Variants in TAPBP observed in about 807,000 individuals in gnomAD.
TAPBP encodes the protein TAP binding protein.
Under a neutral mutation model 45.7 loss-of-function variants are expected in TAPBP, and 38 were observed. The observed-to-expected ratio is 0.83, with a 90% CI of 0.64 to 1.09. The LOEUF (loss-of-function observed/expected upper bound fraction) is 1.09. Among genes scored for constraint, TAPBP ranks in the 50% least tolerant of loss-of-function variants. The probability of loss-of-function intolerance (pLI) is 0.00; values close to 1 mark genes in which losing one functional copy is unlikely to be tolerated. For synonymous variants in TAPBP, 226 were observed against 254.8 expected (o/e 0.89, Z 1.08); for missense variants, 513 against 587.3 (o/e 0.87, Z 1.31).
chr6:33,313,321 G>C lies in TAPBP; in HGVS notation c.365C>G (p.Ala122Gly). The C allele has an allele frequency of 2.5e-6, 4 of 1,613,500 alleles. No individual in the cohort carries two copies. Among genetic ancestry groups the C allele is most frequent in the Non-Finnish European group, 3.4e-6 (4 of 1,179,944 alleles). The change falls in exon 3 of 8, where the codon GCT (alanine) becomes GGT (glycine). Residue 122 changes from alanine to glycine, a missense_variant. Physicochemically the swap from Ala to Gly is moderately conservative, Grantham distance 60. Coordinates refer to ENST00000434618, the MANE Select transcript of TAPBP (RefSeq NM_003190.5). The surrounding 1 kb of genome is among the most constrained non-coding windows in gnomAD (Gnocchi z 7.2). ...GCTGGATATGCTGACCATCAGCCAA[G>C]CCCCATCCAGGGCCCGCGGGCAGTT... ...AQNCPRALDG[A>G]WLMVSISSPV...
At position 33,313,937 on chromosome 6, in the gene TAPBP, G is replaced by A; in HGVS notation, c.37+68C>T. 8 of 1,613,048 alleles carry A rather than the reference G, an allele frequency of 5.0e-6. No individual in the cohort carries two copies. Among genetic ancestry groups the A allele is most frequent in the Non-Finnish European group, 6.8e-6 (8 of 1,179,536 alleles). Reference sequence around the variant, plus strand: ...CTGCCCCACTCCCACCCTGGCATCGGCTCCAGTGGGGCCACCTCCCTCCGC... The same window carrying A: ...CTGCCCCACTCCCACCCTGGCATCGACTCCAGTGGGGCCACCTCCCTCCGC... On this transcript the variant is annotated intron_variant, in intron 1 of 7. Transcript: ENST00000434618. This position sits in a 1 kb window ranked among gnomAD's most constrained non-coding sequence, Gnocchi z 7.2.
In TAPBP at chr6:33,313,023, T is replaced by G; in HGVS notation, c.469+194A>C. 1 of 530,872 alleles carries G rather than the reference T, an allele frequency of 1.9e-6. No homozygotes were observed. Among genetic ancestry groups the G allele is most frequent in the Non-Finnish European group, 3.0e-6 (1 of 338,176 alleles). 32.9% of individuals were successfully genotyped at this position (530,872 alleles called of 1,614,324 possible). On this transcript the variant is annotated intron_variant, in intron 3 of 7. Coordinates refer to ENST00000434618, the MANE Select transcript of TAPBP (RefSeq NM_003190.5). The surrounding 1 kb of genome is among the most constrained non-coding windows in gnomAD (Gnocchi z 7.2). The stretch of plus-strand genomic sequence containing the variant: ...CAAGCTGCAGTTTTTTTTTTGTTTT[T>G]TTTTTTTAACTGGGTGAGGGCTAGA...
chr6:33,304,476 TC>T lies in TAPBP; in HGVS notation c.1030del (p.Glu344ArgfsTer59). The T allele has an allele frequency of 6.2e-7, 1 of 1,612,754 alleles. No homozygotes were observed. The highest frequency in any genetic ancestry group is 8.5e-7 in the Non-Finnish European group (1 of 1,179,456). On this transcript the variant is annotated frameshift_variant, in exon 5 of 8. Coordinates refer to ENST00000434618, the MANE Select transcript of TAPBP (RefSeq NM_003190.5). LOFTEE classifies it high-confidence loss of function. ...GGPGGRSQKA[E>X]GQRWLSALRH... The stretch of plus-strand genomic sequence containing the variant: ...CAGGGCCGAGAGCCACCTCTGCCCC[TC>T]GGCCTTCTGAGAGCGGCCCCCTGGG...
In TAPBP at chr6:33,304,146, T is replaced by C; in HGVS notation, c.1282A>G (p.Lys428Glu). The change falls in exon 6 of 8, where the codon AAG becomes GAG. Residue 428 changes from lysine to glutamate, a missense_variant. Coordinates refer to ENST00000434618, the MANE Select transcript of TAPBP (RefSeq NM_003190.5). ...LSAFLLLGLF[K>E]ALGWAAVYLS... ...CACTTACCAGCCCAGCCCAGTGCCT[T>C]GAAGAGCCCAAGCAGAAGAAAGGCA... The C allele has an allele frequency of 6.2e-7, 1 of 1,612,864 alleles. No individual in the cohort carries two copies. Among genetic ancestry groups the C allele is most frequent in the South Asian group, 1.1e-5 (1 of 90,996 alleles).
In TAPBP at chr6:33,313,913, T is replaced by A; in HGVS notation, c.38-49A>T. 6.2e-7 allele frequency: 1 copy of A among 1,612,376 alleles called. No individual in the cohort carries two copies. Among genetic ancestry groups the A allele is most frequent in the Non-Finnish European group, 8.5e-7 (1 of 1,179,018 alleles). On this transcript the variant is annotated intron_variant, in intron 1 of 7. Transcript: ENST00000434618. This position sits in a 1 kb window ranked among gnomAD's most constrained non-coding sequence, Gnocchi z 7.2. ...GGAGCGGTTTGTATGTCTGGTGACC[T>A]GCCCCACTCCCACCCTGGCATCGGC...
intron 7 of TAPBP, among the ~76,000 whole-genome samples, chr6:33,303,062 CATG>C (rs1180802126): frequency 6.6e-6 from 1 of 152,142 alleles, no homozygotes; most frequent in Non-Finnish European, 1.5e-5. Context: ...TTAGTGCCAA[CATG>C]ATGCCACAAG....
rs1268750547 is a variant in TAPBP, at chr6:33,305,356, G to A, written c.501C>T (p.Ala167=). The A allele has an allele frequency of 6.5e-7, 1 of 1,536,022 alleles. No homozygotes were observed. The highest frequency in any genetic ancestry group is 2.3e-5 in the East Asian group (1 of 44,352). Residue 167 remains alanine, a synonymous_variant, in exon 4 of 8, where the codon GCC becomes GCT. Transcript: ENST00000434618. The surrounding 1 kb of genome is among the most constrained non-coding windows in gnomAD (Gnocchi z 4.4). ...CATCTTGTCCCAGTCTCACTCGAGGGGCAGGGGTGTGGGTGAGGACAGTCA... is the reference window on the plus strand; with the variant it reads ...CATCTTGTCCCAGTCTCACTCGAGGAGCAGGGGTGTGGGTGAGGACAGTCA... ...VVLTVLTHTP[A]PRVRLGQDAL...
At position 33,305,825 on chromosome 6, in the gene TAPBP, C is replaced by T. The variant is rs1478326512; in HGVS notation, c.470-438G>A. Reference sequence around the variant, plus strand: ...TGACTGTCAGTCTTGTGGTGCTGTACAGAATATTTACTGACTCTAGAAGGT... The same window carrying T: ...TGACTGTCAGTCTTGTGGTGCTGTATAGAATATTTACTGACTCTAGAAGGT... On this transcript the variant is annotated intron_variant, in intron 3 of 7. Coordinates refer to ENST00000434618, the MANE Select transcript of TAPBP (RefSeq NM_003190.5). The surrounding 1 kb of genome is among the most constrained non-coding windows in gnomAD (Gnocchi z 4.4). 6.6e-6 allele frequency among the ~76,000 whole-genome samples: 1 copy of T among 152,174 alleles called. No individual in the cohort carries two copies. Among genetic ancestry groups the T allele is most frequent in the Non-Finnish European group, 1.5e-5 (1 of 68,040 alleles).
intron 3 of TAPBP, among the ~76,000 whole-genome samples, chr6:33,312,754 C>T (rs1351756730): frequency 5.9e-5 from 9 of 152,186 alleles, no homozygotes; most frequent in African/African-American, 1.9e-4. Context: ...CGGGTGTGGG[C>T]GCAGGTGGGG....
intron 7 of TAPBP, 120 bp downstream of exon 7, chr6:33,303,835 C>T: frequency 6.2e-7 from 1 of 1,600,776 alleles, no homozygotes; most frequent in Non-Finnish European, 8.5e-7. Flanking sequence ...TAACCCAGAT[C>T]AGTGTGAATT....
chr6:33,313,162 C>CT lies in TAPBP; in HGVS notation c.469+54dup. Reference sequence around the variant, plus strand: ...CAAGTCCATAAAGCGAGACCACCGGCTGATCTGGACCCTTAGAATCTACCC... The same window carrying CT: ...CAAGTCCATAAAGCGAGACCACCGGCTTGATCTGGACCCTTAGAATCTACCC... On this transcript the variant is annotated intron_variant, in intron 3 of 7. Coordinates refer to ENST00000434618, the MANE Select transcript of TAPBP (RefSeq NM_003190.5). This position sits in a 1 kb window ranked among gnomAD's most constrained non-coding sequence, Gnocchi z 7.2. 6.5e-7 allele frequency: 1 copy of CT among 1,537,510 alleles called. No individual in the cohort carries two copies. The highest frequency in any genetic ancestry group is 8.8e-7 in the Non-Finnish European group (1 of 1,138,442).
chr6:33,312,915 A>C (rs1769456466), intron 3 of TAPBP: 2 of 364,476 alleles, frequency 5.5e-6, no homozygotes, highest in Non-Finnish European at 4.9e-6. Flanking sequence ...GGTGTCGGGA[A>C]ACCCCACCTC....
chr6:33,309,148 AC>A (rs1361795979), intron 3 of TAPBP, among the ~76,000 whole-genome samples: 88 of 152,016 alleles, frequency 5.8e-4, no homozygotes, highest in Non-Finnish European at 1.5e-5. Context: ...TAATCCCAGC[AC>A]TTTGGGAGGC....
At position 33,304,600 on chromosome 6, in the gene TAPBP, G is replaced by A. The variant is rs747417254; in HGVS notation, c.907C>T (p.Arg303Trp). 37 of 1,590,080 alleles carry A rather than the reference G, an allele frequency of 2.3e-5. No homozygotes were observed. The highest frequency in any genetic ancestry group is 3.5e-5 in the Admixed American group (2 of 57,258). Residue 303 changes from arginine (R) to tryptophan (W), a missense_variant, in exon 5 of 8, where the codon CGG (arginine) becomes TGG (tryptophan). Physicochemically the swap from Arg to Trp is moderately radical, Grantham distance 101 (BLOSUM62 -3). Transcript: ENST00000434618. ...KVSLMPATLA[R>W]AAPGEAPPEL... is the part of the protein sequence containing the mutation. ...GGGGGTGCCTCCCCTGGGGCGGCCC[G>A]TGCAAGGGTTGCTGGCATCAGGGAC...
Position 33,300,981 on chromosome 6 carries a change from A to G in TAPBP, c.*779T>C, listed in dbSNP as rs1251254929. 1.3e-5 allele frequency: 2 copies of G among 152,090 alleles called. No homozygotes were observed. Among genetic ancestry groups the G allele is most frequent in the Non-Finnish European group, 2.9e-5 (2 of 68,030 alleles). 9.4% of individuals were successfully genotyped at this position (152,090 alleles called of 1,614,324 possible). On this transcript the variant is annotated 3_prime_UTR_variant, in exon 8 of 8. Coordinates refer to ENST00000434618, the MANE Select transcript of TAPBP (RefSeq NM_003190.5). ...ACTCCGTCTCAAAAAAAAAAAAAAA[A>G]AAGTTTTTTGCCTTCTTCATTCTAT... is the stretch of plus-strand genomic sequence containing the variant.
In TAPBP at chr6:33,313,327, T is replaced by C. The variant is rs1769505002; in HGVS notation, c.359A>G (p.Asp120Gly). ...TATGCTGACCATCAGCCAAGCCCCATCCAGGGCCCGCGGGCAGTTCTGCGC... is the reference window on the plus strand; with the variant it reads ...TATGCTGACCATCAGCCAAGCCCCACCCAGGGCCCGCGGGCAGTTCTGCGC... ...TPAQNCPRAL[D>G]GAWLMVSISS... is the part of the protein sequence containing the mutation. The change falls in exon 3 of 8, where the codon GAT (aspartate) becomes GGT (glycine). Residue 120 changes from aspartate (D) to glycine (G), a missense_variant. Asp to Gly is a moderately conservative substitution (Grantham distance 94). Coordinates refer to ENST00000434618, the MANE Select transcript of TAPBP (RefSeq NM_003190.5). The surrounding 1 kb of genome is among the most constrained non-coding windows in gnomAD (Gnocchi z 7.2). 2.5e-6 allele frequency: 4 copies of C among 1,613,462 alleles called. No individual in the cohort carries two copies. The African/African-American group carries it at 4.0e-5, about 16-fold the overall frequency.
At chr6:33,312,604 A>G (rs1221393455) in intron 3 of TAPBP, among the ~76,000 whole-genome samples, 1 of 152,204 alleles carries the variant, frequency 6.6e-6, no homozygotes, top group Non-Finnish European at 1.5e-5. Flanking sequence ...GAGCTATCCA[A>G]TCTCCAGCCG....
Position 33,304,986 on chromosome 6 carries a change from C to T in TAPBP, c.868+3G>A, listed in dbSNP as rs1768866973. The T allele has an allele frequency of 6.2e-7, 1 of 1,613,760 alleles. No individual in the cohort carries two copies. The highest frequency in any genetic ancestry group is 1.1e-5 in the South Asian group (1 of 91,056). On this transcript the variant is annotated splice_donor_region_variant and intron_variant, in intron 4 of 7. Transcript: ENST00000434618. ...CCCTGGAGACCTCTGTCCCCCAACT[C>T]ACTGTACACAGCAAGCTCCAGGGTG... is the stretch of plus-strand genomic sequence containing the variant.
chr6:33,312,981 T>G, intron 3 of TAPBP: 6 of 424,130 alleles, frequency 1.4e-5, no homozygotes, highest in Admixed American at 4.0e-5. Context: ...CGGCCCTGCT[T>G]TCCCCCTACC....
Sources: gnomAD v4.1 joint callset for allele counts (sites outside exome capture counted in the v4.1 genomes callset) on GRCh38, gnomAD v4.1.1 for gene constraint, Gnocchi (gnomAD v3.1) non-coding constraint, MANE v1.5 for transcripts, NCBI Gene and HGNC (gene_info 2026-07-23, HGNC 2026-07-21) for gene names.